ADAMTS2: variants seen among roughly 807,000 people sequenced by gnomAD.
ADAMTS2 encodes the protein A disintegrin and metalloproteinase with thrombospondin motifs 2.
A neutral mutation model predicts 123.0 loss-of-function variants in ADAMTS2; 50 were observed. The observed-to-expected ratio is 0.41, with a 90% CI of 0.32 to 0.51. ADAMTS2 has a LOEUF of 0.51. Ranked by LOEUF, ADAMTS2 falls within the 20% of genes least tolerant of loss-of-function variation. The probability of loss-of-function intolerance (pLI) is 0.35; values close to 1 mark genes in which losing one functional copy is unlikely to be tolerated. For synonymous variants in ADAMTS2, 678 were observed against 695.4 expected (o/e 0.98, Z 0.39); for missense variants, 1,494 against 1,705.2 (o/e 0.88, Z 2.18).
intron 5 of ADAMTS2, among the ~76,000 whole-genome samples, chr5:179,168,362 C>T (rs141564294): frequency 2.9e-4 from 44 of 152,308 alleles, no homozygotes; most frequent in Non-Finnish European, 5.3e-4. Flanking sequence ...CCTGACCAGC[C>T]GGGATCACAG....
chr5:179,165,338 T>G (rs1763676528), intron 5 of ADAMTS2, among the ~76,000 whole-genome samples: 1 of 152,212 alleles, frequency 6.6e-6, no homozygotes. Context: ...TATATGGATC[T>G]CCTCCAGAAG....
At chr5:179,247,276 T>C (rs1765822287) in intron 3 of ADAMTS2, among the ~76,000 whole-genome samples, 2 of 152,142 alleles carry the variant, frequency 1.3e-5, no homozygotes, top group Non-Finnish European at 2.9e-5. Flanking sequence ...ATCAGTTCAA[T>C]AGCAGATTTG....
At chr5:179,299,226 A>G (rs1167114789) in intron 2 of ADAMTS2, among the ~76,000 whole-genome samples, 3 of 151,772 alleles carry the variant, frequency 2.0e-5, no homozygotes, top group Non-Finnish European at 2.9e-5. Flanking sequence ...CTGCAAATGT[A>G]GTGGCTTAAA....
rs1018855146 is a variant in ADAMTS2 at position 179,152,665 on chromosome 5, G to A, written c.1516-410C>T. Among the ~76,000 whole-genome samples the A allele has an allele frequency of 2.6e-5, 4 of 152,266 alleles. No individual in the cohort carries two copies. In the East Asian group the frequency reaches 7.7e-4, roughly 29 times the overall value. On this transcript the variant is annotated intron_variant, in intron 9 of 21. Transcript: ENST00000251582. The stretch of plus-strand genomic sequence containing the variant: ...GGCCTCCCCTGGACTTCACAGTCCT[G>A]TTCCCTGGCCTTTCTGCTTCCTGTC...
chr5:179,273,617 C>A lies in ADAMTS2; in HGVS notation c.535-553G>T, dbSNP rs75591802. On this transcript the variant is annotated intron_variant, in intron 2 of 21. Transcript: ENST00000251582. ...TCATGTCTTGAACATGGAATCCCAG[C>A]TTTCCTTGGAAACGCAGGCCCTGAC... Among the ~76,000 whole-genome samples, 1,514 of 152,274 alleles carry A rather than the reference C, an allele frequency of 9.9e-3. 31 individuals are homozygous for A. Among genetic ancestry groups the A allele is most frequent in the African/African-American group, 0.033 (1,352 of 41,540 alleles).
At chr5:179,247,992 T>C (rs1023231661) in intron 3 of ADAMTS2, among the ~76,000 whole-genome samples, 4 of 152,204 alleles carry the variant, frequency 2.6e-5, no homozygotes, top group African/African-American at 9.6e-5. Flanking sequence ...TCTTCTCTTT[T>C]TTCCTATATG....
At position 179,152,170 on chromosome 5, in the gene ADAMTS2, A is replaced by G; in HGVS notation, c.1601T>C (p.Leu534Ser). Residue 534 changes from leucine to serine, a missense_variant, in exon 10 of 22, where the codon TTG (leucine) becomes TCG (serine). Leu to Ser is a moderately radical substitution (Grantham distance 145). This residue lies in a region of ADAMTS2 where 953 missense variants were observed against 1,124.7 expected (regional missense o/e 0.85). Coordinates refer to ENST00000251582, the MANE Select transcript of ADAMTS2 (RefSeq NM_014244.5). ...GCCAGGTGCACACATAGTCCCGTCC[A>G]AGGGGGGCCCCTTCTTGGTCTTGCA... ...YFCKTKKGPP[L>S]DGTMCAPGKH... is the part of the protein sequence containing the mutation. The G allele has an allele frequency of 6.2e-7, 1 of 1,613,914 alleles. No homozygotes were observed. The highest frequency in any genetic ancestry group is 8.5e-7 in the Non-Finnish European group (1 of 1,179,912).
In ADAMTS2 at chr5:179,191,515, C is replaced by T. The variant is rs143835297; in HGVS notation, c.892-10360G>A. Among the ~76,000 whole-genome samples the T allele has an allele frequency of 8.0e-3, 1,214 of 152,228 alleles. 16 individuals are homozygous for T. Among genetic ancestry groups the T allele is most frequent in the African/African-American group, 0.027 (1,137 of 41,532 alleles). Reference sequence around the variant, plus strand: ...TATTCCCCCACACATCATATTCTGCCGCTGCTCTGTCACCAGTGTGACCTA... The same window carrying T: ...TATTCCCCCACACATCATATTCTGCTGCTGCTCTGTCACCAGTGTGACCTA... On this transcript the variant is annotated intron_variant, in intron 4 of 21. Coordinates refer to ENST00000251582, the MANE Select transcript of ADAMTS2 (RefSeq NM_014244.5).
At position 179,158,050 on chromosome 5, in the gene ADAMTS2, C is replaced by T. The variant is rs570301081; in HGVS notation, c.1132+673G>A. ...TGCGATCTCGACTCATTGCAAACTCCGCCTCCCGGGTTCACACCATTCTCC... is the reference window on the plus strand; with the variant it reads ...TGCGATCTCGACTCATTGCAAACTCTGCCTCCCGGGTTCACACCATTCTCC... On this transcript the variant is annotated intron_variant, in intron 6 of 21. Transcript: ENST00000251582. This position sits in a 1 kb window ranked among gnomAD's most constrained non-coding sequence, Gnocchi z 5.0. 1.3e-5 allele frequency among the ~76,000 whole-genome samples: 2 copies of T among 152,046 alleles called. No individual in the cohort carries two copies. Among genetic ancestry groups the T allele is most frequent in the South Asian group, 2.1e-4 (1 of 4,810 alleles).
intron 2 of ADAMTS2, among the ~76,000 whole-genome samples, chr5:179,301,953 C>A (rs1210407358): frequency 6.6e-6 from 1 of 152,220 alleles, no homozygotes; most frequent in Non-Finnish European, 1.5e-5. Flanking sequence ...AACAGTCAGC[C>A]TGCACACCTC....
chr5:179,343,872 C>T lies in ADAMTS2; in HGVS notation c.429G>A (p.Lys143=), dbSNP rs1318526281. The T allele has an allele frequency of 6.3e-7, 1 of 1,594,726 alleles. No individual in the cohort carries two copies. The highest frequency in any genetic ancestry group is 1.1e-5 in the South Asian group (1 of 88,838). ...PGATMEWQGE[K]GTTRVEPLLG... ...GCAGGGGCTCCACGCGGGTGGTGCCCTTCTCGCCCTGCCACTCCATAGTGG... is the reference window on the plus strand; with the variant it reads ...GCAGGGGCTCCACGCGGGTGGTGCCTTTCTCGCCCTGCCACTCCATAGTGG... The change falls in exon 2 of 22, where the codon AAG becomes AAA. Residue 143 remains lysine, a synonymous_variant. Transcript: ENST00000251582.
chr5:179,148,103 CA>C (rs1763285506), intron 10 of ADAMTS2, among the ~76,000 whole-genome samples: 1 of 152,110 alleles, frequency 6.6e-6, no homozygotes, highest in Admixed American at 6.5e-5. Flanking sequence ...TGGCTGGCAT[CA>C]AAGACTCGGT....
intron 2 of ADAMTS2, among the ~76,000 whole-genome samples, chr5:179,274,181 A>C (rs1766628286): frequency 6.7e-6 from 1 of 149,996 alleles, no homozygotes; most frequent in African/African-American, 2.5e-5. Flanking sequence ...AGGTCCACCC[A>C]TCCCATGACA....
intron 19 of ADAMTS2, among the ~76,000 whole-genome samples, chr5:179,123,754 T>G (rs147010335): frequency 2.0e-5 from 3 of 152,256 alleles, no homozygotes; most frequent in Non-Finnish European, 4.4e-5. Flanking sequence ...GACTGGCCCT[T>G]GTGCAGCTCC....
intron 2 of ADAMTS2, among the ~76,000 whole-genome samples, chr5:179,309,951 TCCCTGCCCCAC>T (rs544492637): frequency 2.6e-3 from 391 of 152,238 alleles, no homozygotes; most frequent in Non-Finnish European, 4.8e-3. Context: ...CCTCCTGTCC[TCCCTGCCCCAC>T]CCCTGCCCTC....
At chr5:179,142,302 G>A (rs1763185037) in intron 10 of ADAMTS2, among the ~76,000 whole-genome samples, 1 of 152,206 alleles carries the variant, frequency 6.6e-6, no homozygotes, top group South Asian at 2.1e-4. Flanking sequence ...GGAACCAGAA[G>A]CGTTTGGAAC....
chr5:179,300,502 A>G (rs964412803), intron 2 of ADAMTS2, among the ~76,000 whole-genome samples: 3 of 152,246 alleles, frequency 2.0e-5, no homozygotes, highest in Admixed American at 1.3e-4. Context: ...AAACAAAAGA[A>G]TAGCATCCTC....
At chr5:179,283,227 A>G (rs13172933) in intron 2 of ADAMTS2, among the ~76,000 whole-genome samples, 14,060 of 151,366 alleles carry the variant, frequency 0.093, 697 homozygotes, top group East Asian at 0.14. Context: ...TATATTCTGG[A>G]AAAAAAAAGC....
At chr5:179,145,537 A>AG (rs1296440298) in intron 10 of ADAMTS2, among the ~76,000 whole-genome samples, 1 of 152,270 alleles carries the variant, frequency 6.6e-6, no homozygotes, top group Non-Finnish European at 1.5e-5. Flanking sequence ...GAAGGAATGC[A>AG]GGGCTGCTGC....
Sources: allele counts gnomAD v4.1 joint callset (sites outside exome capture counted in the v4.1 genomes callset), GRCh38; gene constraint gnomAD v4.1.1; regional missense constraint gnomAD v4.1.1; non-coding constraint Gnocchi (gnomAD v3.1); transcripts MANE v1.5; gene names NCBI Gene and HGNC (gene_info 2026-07-23, HGNC 2026-07-21).